The following RNF13 variants were observed in gnomAD, a reference collection of about 807,000 sequenced individuals.
RNF13 encodes ring finger protein 13, also known as E3 ubiquitin-protein ligase RNF13.
RNF13 carries 19 observed loss-of-function variants against 37.7 expected under a neutral mutation model. The ratio of observed to expected loss-of-function variants is 0.50; its 90% CI spans 0.35 to 0.74. The LOEUF (loss-of-function observed/expected upper bound fraction) is 0.74. RNF13 is among the 30% of genes least tolerant of loss of function. RNF13 has a pLI of 0.01. For synonymous variants in RNF13, 144 were observed against 157.8 expected, an observed-to-expected ratio of 0.91 and a Z score of 0.65; for missense variants, 375 against 453.0, an observed-to-expected ratio of 0.83 and a Z score of 1.56.
At chr3:149,873,850 A>G (rs1225460445) in intron 4 of RNF13, among the ~76,000 whole-genome samples, 3 of 152,122 alleles carry the variant, frequency 2.0e-5, no homozygotes, top group African/African-American at 7.2e-5. Flanking sequence ...GAATATATAT[A>G]TCTCACTTAT....
At chr3:149,857,557 A>G (rs573076660) in intron 3 of RNF13, among the ~76,000 whole-genome samples, 2 of 152,322 alleles carry the variant, frequency 1.3e-5, no homozygotes, top group East Asian at 3.8e-4. Context: ...ATTAGTTTAC[A>G]GTTCTTTTGA....
At chr3:149,929,244 G>A (rs1363086130) in intron 8 of RNF13, among the ~76,000 whole-genome samples, 1 of 152,176 alleles carries the variant, frequency 6.6e-6, no homozygotes, top group African/African-American at 2.4e-5. Flanking sequence ...CAAAGGAGAA[G>A]CAGACATCTT....
At chr3:149,911,910 T>C in intron 6 of RNF13, 68 bp from the exon 7 acceptor site, 1 of 829,524 alleles carries the variant, frequency 1.2e-6, no homozygotes, top group Non-Finnish European at 2.1e-6. Flanking sequence ...TATTTTTTCC[T>C]GTTTTTAATT....
intron 8 of RNF13, among the ~76,000 whole-genome samples, chr3:149,930,532 T>C (rs1719063138): frequency 1.3e-5 from 2 of 152,210 alleles, no homozygotes; most frequent in African/African-American, 2.4e-5. Context: ...TTTCCTTTCT[T>C]GTGATGTCTT....
At chr3:149,949,131 C>T (rs1721060322) in intron 8 of RNF13, among the ~76,000 whole-genome samples, 1 of 152,036 alleles carries the variant, frequency 6.6e-6, no homozygotes, top group African/African-American at 2.4e-5. Context: ...TTACCTGGGA[C>T]TTATGTTTTT....
chr3:149,890,853 T>C (rs757098849), intron 4 of RNF13, among the ~76,000 whole-genome samples: 11 of 152,232 alleles, frequency 7.2e-5, no homozygotes, highest in Non-Finnish European at 1.3e-4. Flanking sequence ...AATTCAAGTC[T>C]TATAAAATCT....
intron 7 of RNF13, among the ~76,000 whole-genome samples, chr3:149,914,268 CTTG>C (rs1717276196): frequency 6.6e-6 from 1 of 151,480 alleles, no homozygotes; most frequent in Non-Finnish European, 1.5e-5. Flanking sequence ...TTATATTTTT[CTTG>C]TCCCAGCCCT....
intron 8 of RNF13, among the ~76,000 whole-genome samples, chr3:149,922,845 A>G (rs1718286058): frequency 6.6e-6 from 1 of 152,154 alleles, no homozygotes. Context: ...AGTTTCCCCT[A>G]TAGTATAGTT....
intron 8 of RNF13, among the ~76,000 whole-genome samples, chr3:149,942,937 A>G (rs1464715283): frequency 6.6e-6 from 1 of 152,186 alleles, no homozygotes; most frequent in Non-Finnish European, 1.5e-5. Flanking sequence ...ATCAATTGAA[A>G]TGATCACCTG....
rs1722398275 is a variant in RNF13 at position 149,961,333 on chromosome 3, C to T, written c.*229C>T. On this transcript the variant is annotated 3_prime_UTR_variant, in exon 10 of 10. Transcript: ENST00000392894. ...TAACTCAAGCATCAATTCAGCTCTT[C>T]TTTTGGAATGAAAGTATAGCCAAAA... The T allele has an allele frequency of 1.5e-6, 1 of 657,798 alleles. No individual in the cohort carries two copies. The highest frequency in any genetic ancestry group is 2.8e-6 in the Non-Finnish European group (1 of 361,708). The allele number at this position is 657,798 out of a possible 1,614,324, so 40.7% of individuals were successfully genotyped here.
At chr3:149,954,964 A>G (rs1202744253) in intron 8 of RNF13, among the ~76,000 whole-genome samples, 1 of 152,186 alleles carries the variant, frequency 6.6e-6, no homozygotes, top group African/African-American at 2.4e-5. Flanking sequence ...GTTTCCTAAC[A>G]GATGGAAAAT....
chr3:149,932,016 G>GT (rs55981196), intron 8 of RNF13, among the ~76,000 whole-genome samples: 4,489 of 151,204 alleles, frequency 0.03, 77 homozygotes, highest in South Asian at 0.038. Context: ...AAATAACAGG[G>GT]TTTTTTTTTA....
At chr3:149,931,260 G>T (rs923054830) in intron 8 of RNF13, among the ~76,000 whole-genome samples, 2 of 151,652 alleles carry the variant, frequency 1.3e-5, no homozygotes, top group African/African-American at 4.8e-5. Flanking sequence ...TTAGAGACAG[G>T]GTCTCACTAT....
At chr3:149,860,228 A>G (rs1724075189) in intron 3 of RNF13, among the ~76,000 whole-genome samples, 1 of 140,498 alleles carries the variant, frequency 7.1e-6, no homozygotes, top group South Asian at 2.3e-4. Context: ...ACTGCACCCC[A>G]GCCTGGGCAA....
chr3:149,958,261 T>A (rs1477105119), intron 8 of RNF13, among the ~76,000 whole-genome samples: 6 of 152,198 alleles, frequency 3.9e-5, no homozygotes, highest in Non-Finnish European at 8.8e-5. Context: ...AACCAAGGTG[T>A]CAGCAGGACT....
intron 2 of RNF13, among the ~76,000 whole-genome samples, chr3:149,849,143 C>T (rs1722912022): frequency 6.6e-6 from 1 of 152,098 alleles, no homozygotes; most frequent in Admixed American, 6.5e-5. Context: ...ATACTAGAAA[C>T]ATGGAATTTT....
At chr3:149,932,888 A>T (rs903013023) in intron 8 of RNF13, among the ~76,000 whole-genome samples, 2 of 152,072 alleles carry the variant, frequency 1.3e-5, no homozygotes, top group Non-Finnish European at 2.9e-5. Flanking sequence ...CCAACCTTAC[A>T]TTTCCCCTCA....
rs143026755 is a variant in RNF13 at position 149,945,323 on chromosome 3, C to A, written c.701-14733C>A. Among the ~76,000 whole-genome samples, 918 of 152,094 alleles carry A rather than the reference C, an allele frequency of 6.0e-3. 7 individuals carry two copies. The highest frequency in any genetic ancestry group is 0.021 in the African/African-American group (873 of 41,488). ...TTTTGAGCCTTGGTCATTGCTAGCA[C>A]AGCAGTCTGAGATCGAACTGCAAGG... On this transcript the variant is annotated intron_variant, in intron 8 of 9. Coordinates refer to ENST00000392894, the MANE Select transcript of RNF13 (RefSeq NM_183381.3).
intron 6 of RNF13, 28 bp from the exon 7 acceptor site, chr3:149,911,950 T>G: frequency 8.8e-7 from 1 of 1,134,154 alleles, no homozygotes; most frequent in Non-Finnish European, 1.3e-6. Flanking sequence ...TCTTCATTTC[T>G]CAATTATTGA....
Sources: gnomAD v4.1 joint callset for allele counts (sites outside exome capture counted in the v4.1 genomes callset) on GRCh38, gnomAD v4.1.1 for gene constraint, MANE v1.5 for transcripts, NCBI Gene and HGNC (gene_info 2026-07-23, HGNC 2026-07-21) for gene names.